Variants in CA10 observed in about 807,000 individuals in gnomAD.
The protein encoded by CA10 is carbonic anhydrase-related protein 10.
Under a neutral mutation model 44.2 loss-of-function variants are expected in CA10, and 14 were observed. That is an observed-to-expected ratio of 0.32 (90% CI 0.21 to 0.50). The LOEUF (loss-of-function observed/expected upper bound fraction) is 0.50. Ranked by LOEUF, CA10 falls within the 20% of genes least tolerant of loss-of-function variation. The pLI is 0.99. For missense variants in CA10, 350 were observed against 409.7 expected (o/e 0.85, Z 1.26); for synonymous variants, 159 against 141.6 (o/e 1.12, Z -0.87).
chr17:51,950,739 T>C (rs1472365943), intron 2 of CA10, among the ~76,000 whole-genome samples: 1 of 152,138 alleles, frequency 6.6e-6, no homozygotes, highest in Middle Eastern at 3.2e-3. Context: ...GACATTTACT[T>C]TGAGCATGCC....
intron 3 of CA10, among the ~76,000 whole-genome samples, chr17:51,787,815 TCTC>T (rs1448293405): frequency 6.6e-6 from 1 of 152,210 alleles, no homozygotes; most frequent in East Asian, 1.9e-4. Context: ...AGTTTTAACG[TCTC>T]CTTTTTCATT....
chr17:52,091,234 A>T (rs1425524537), intron 1 of CA10, among the ~76,000 whole-genome samples: 1 of 152,120 alleles, frequency 6.6e-6, no homozygotes, highest in Non-Finnish European at 1.5e-5. Context: ...AAGTGAAGTT[A>T]ATTTTCTAAC....
At chr17:51,835,929 A>G (rs1419450003) in intron 3 of CA10, among the ~76,000 whole-genome samples, 1 of 152,164 alleles carries the variant, frequency 6.6e-6, no homozygotes, top group Admixed American at 6.5e-5. Context: ...TTAGCCACAT[A>G]GAAGAGGAAT....
intron 3 of CA10, among the ~76,000 whole-genome samples, chr17:51,790,350 T>A (rs987533336): frequency 6.6e-6 from 1 of 152,144 alleles, no homozygotes; most frequent in Non-Finnish European, 1.5e-5. Flanking sequence ...CAGGATGACA[T>A]GCCTGTTGTA....
chr17:51,771,885 G>A (rs1291729831), intron 3 of CA10, among the ~76,000 whole-genome samples: 1 of 152,146 alleles, frequency 6.6e-6, no homozygotes, highest in Non-Finnish European at 1.5e-5. Flanking sequence ...TTCTCCTATG[G>A]TTCCCACACA....
intron 2 of CA10, among the ~76,000 whole-genome samples, chr17:51,974,683 A>G (rs139338098): frequency 3.1e-4 from 47 of 152,238 alleles, no homozygotes; most frequent in Non-Finnish European, 4.9e-4. Context: ...TTATTTTACT[A>G]TTTTACCGAA....
At chr17:51,729,452 C>T (rs1916641428) in intron 4 of CA10, among the ~76,000 whole-genome samples, 1 of 152,154 alleles carries the variant, frequency 6.6e-6, no homozygotes, top group Admixed American at 6.5e-5. Flanking sequence ...GAGGGAAGCC[C>T]ACTGCATATG....
chr17:51,666,739 C>T (rs907549520), intron 4 of CA10, among the ~76,000 whole-genome samples: 1 of 151,976 alleles, frequency 6.6e-6, no homozygotes, highest in Non-Finnish European at 1.5e-5. Context: ...ATACAAGGCA[C>T]CACAAATTAT....
At chr17:51,735,307 C>T (rs766146512) in intron 4 of CA10, among the ~76,000 whole-genome samples, 1 of 152,140 alleles carries the variant, frequency 6.6e-6, no homozygotes, top group Non-Finnish European at 1.5e-5. Context: ...AAATCAAATA[C>T]TGCCTGTTCT....
At chr17:51,941,480 A>G (rs1983075659) in intron 2 of CA10, among the ~76,000 whole-genome samples, 1 of 152,166 alleles carries the variant, frequency 6.6e-6, no homozygotes, top group Non-Finnish European at 1.5e-5. Flanking sequence ...ATAAAATCTG[A>G]AATTAGTTGA....
chr17:51,862,578 G>A (rs986704517), intron 3 of CA10, among the ~76,000 whole-genome samples: 1 of 152,114 alleles, frequency 6.6e-6, no homozygotes, highest in Non-Finnish European at 1.5e-5. Context: ...ATGTATAAGA[G>A]TTCTGGGTTC....
chr17:52,099,339 G>A (rs1173293506), intron 1 of CA10, among the ~76,000 whole-genome samples: 3 of 152,196 alleles, frequency 2.0e-5, no homozygotes, highest in African/African-American at 7.2e-5. Context: ...ACCTACATAA[G>A]TCAGGGTCAG....
intron 2 of CA10, among the ~76,000 whole-genome samples, chr17:52,034,482 ATCTT>A (rs1986559437): frequency 6.6e-6 from 1 of 152,202 alleles, no homozygotes; most frequent in Admixed American, 6.5e-5. Flanking sequence ...CTGTGATTGT[ATCTT>A]TATTTCTTAA....
At chr17:51,876,775 T>C (rs1449120751) in intron 3 of CA10, among the ~76,000 whole-genome samples, 2 of 151,850 alleles carry the variant, frequency 1.3e-5, no homozygotes, top group Non-Finnish European at 2.9e-5. Flanking sequence ...GTAGTATATG[T>C]TTCACTTTAA....
At chr17:52,004,944 C>T (rs1782211382) in intron 2 of CA10, among the ~76,000 whole-genome samples, 1 of 151,840 alleles carries the variant, frequency 6.6e-6, no homozygotes, top group African/African-American at 2.4e-5. Flanking sequence ...AGGTCAAGAA[C>T]AAGACTCTTT....
chr17:51,726,099 G>A (rs1193435495), intron 4 of CA10, among the ~76,000 whole-genome samples: 1 of 152,220 alleles, frequency 6.6e-6, no homozygotes, highest in African/African-American at 2.4e-5. Flanking sequence ...AACAGGGCAG[G>A]AGGATGGAGC....
At chr17:51,884,756 T>C (rs968349796) in intron 3 of CA10, among the ~76,000 whole-genome samples, 2 of 152,134 alleles carry the variant, frequency 1.3e-5, no homozygotes, top group Non-Finnish European at 2.9e-5. Context: ...GAAATCAAGG[T>C]GCTGGCATGG....
In CA10 at chr17:51,773,430, G is replaced by C. The variant is rs549884454; in HGVS notation, c.280-25612C>G. Among the ~76,000 whole-genome samples the C allele has an allele frequency of 1.2e-3, 189 of 152,362 alleles. 1 individual carries two copies. The highest frequency in any genetic ancestry group is 3.4e-3 in the Middle Eastern group (1 of 294). ...AGTCATCTCCTGTCTGAGAAGCAGA[G>C]AGAAGGATGAAGTAGACATTCAGTA... On this transcript the variant is annotated intron_variant, in intron 3 of 8. Coordinates refer to ENST00000451037, the MANE Select transcript of CA10 (RefSeq NM_020178.5).
At chr17:51,645,146 C>A (rs1359652793) in intron 6 of CA10, among the ~76,000 whole-genome samples, 2 of 152,100 alleles carry the variant, frequency 1.3e-5, no homozygotes, top group African/African-American at 4.8e-5. Context: ...CATCTCCCTG[C>A]CAATCCCCAT....
Sources: allele counts gnomAD v4.1 joint callset (sites outside exome capture counted in the v4.1 genomes callset), GRCh38; gene constraint gnomAD v4.1.1; transcripts MANE v1.5; gene names NCBI Gene and HGNC (gene_info 2026-07-23, HGNC 2026-07-21).